Variants in EYS observed in about 807,000 individuals in gnomAD.
EYS encodes EGF-like photoreceptor maintenance factor, also known as protein eyes shut homolog.
In EYS, 250 loss-of-function variants were observed where a neutral mutation model predicts 282.1. The observed-to-expected ratio is 0.89, with a 90% confidence interval of 0.80 to 0.98. EYS has a LOEUF of 0.98. Among genes scored for constraint, EYS ranks in the 50% least tolerant of loss-of-function variants. The pLI is 0.00. For synonymous variants in EYS, 1,355 were observed against 1,282.9 expected, an observed-to-expected ratio of 1.06 and a Z score of -1.20; for missense variants, 4,016 against 3,709.0, an observed-to-expected ratio of 1.08 and a Z score of -2.15.
intron 28 of EYS, among the ~76,000 whole-genome samples, chr6:64,396,156 A>G (rs1318076073): frequency 1.3e-5 from 2 of 152,066 alleles, no homozygotes; most frequent in East Asian, 1.9e-4. Flanking sequence ...ATATTTTTGA[A>G]TTGAATAGTT....
intron 12 of EYS, among the ~76,000 whole-genome samples, chr6:65,187,182 C>T (rs1464355243): frequency 6.6e-6 from 1 of 151,656 alleles, no homozygotes; most frequent in African/African-American, 2.4e-5. Flanking sequence ...ATTCAATATT[C>T]AATTTACAAA....
intron 31 of EYS, among the ~76,000 whole-genome samples, chr6:64,107,259 A>ATATATG (rs1191905073): frequency 0.027 from 3,399 of 124,922 alleles, 142 homozygotes; most frequent in African/African-American, 0.083. Flanking sequence ...ATATATATAT[A>ATATATG]TGTGTGTGTG....
At chr6:63,992,939 T>C (rs1007851089) in intron 34 of EYS, among the ~76,000 whole-genome samples, 3 of 151,856 alleles carry the variant, frequency 2.0e-5, no homozygotes, top group Non-Finnish European at 2.9e-5. Context: ...AGTTTTCCCA[T>C]GCTGTTCTTG....
At position 65,211,560 on chromosome 6, in the gene EYS, A is replaced by G. The variant is rs532295502; in HGVS notation, c.2023+84303T>C. ...TAACTCTGAGGTATAAGATATAGTCATCCAAAGTACTGACTTTCTAACTCT... is the reference window on the plus strand; with the variant it reads ...TAACTCTGAGGTATAAGATATAGTCGTCCAAAGTACTGACTTTCTAACTCT... On this transcript the variant is annotated intron_variant, in intron 12 of 42. Transcript: ENST00000503581. Among the ~76,000 whole-genome samples the G allele has an allele frequency of 6.6e-5, 10 of 152,184 alleles. No individual in the cohort carries two copies. In the East Asian group the frequency reaches 1.9e-3, roughly 29 times the overall value.
chr6:65,500,816 G>A (rs1049196407), intron 2 of EYS, among the ~76,000 whole-genome samples: 1 of 151,902 alleles, frequency 6.6e-6, no homozygotes, highest in African/African-American at 2.4e-5. Flanking sequence ...TGAAGTGATT[G>A]TAGGGAATGT....
chr6:65,022,833 CAT>C lies in EYS; in HGVS notation c.2138-25132_2138-25131del, dbSNP rs145866489. Among the ~76,000 whole-genome samples, 1,077 of 151,858 alleles carry C rather than the reference CAT, an allele frequency of 7.1e-3. 19 individuals are homozygous for C. The highest frequency in any genetic ancestry group is 0.025 in the African/African-American group (1,029 of 41,446). On this transcript the variant is annotated intron_variant, in intron 13 of 42. Coordinates refer to ENST00000503581, the MANE Select transcript of EYS (RefSeq NM_001142800.2). ...ATGCATAAAGACATCATTTGTATGA[CAT>C]AGTACAATGGAGGGAGGGAGAGAAT...
chr6:64,539,978 T>G (rs1368727486), intron 26 of EYS, among the ~76,000 whole-genome samples: 2 of 152,192 alleles, frequency 1.3e-5, no homozygotes, highest in Non-Finnish European at 2.9e-5. Flanking sequence ...TGATATTTGT[T>G]GAAAAGTTTC....
chr6:64,092,469 T>C (rs1193713542), intron 31 of EYS, among the ~76,000 whole-genome samples: 2 of 151,766 alleles, frequency 1.3e-5, no homozygotes, highest in African/African-American at 2.4e-5. Context: ...TGGTATCTCA[T>C]TGTGGTTTTG....
At chr6:64,030,999 T>C (rs1022538711) in intron 33 of EYS, among the ~76,000 whole-genome samples, 6 of 152,172 alleles carry the variant, frequency 3.9e-5, no homozygotes, top group African/African-American at 1.4e-4. Flanking sequence ...GATTGAGAGG[T>C]GACGGCGTGT....
chr6:63,776,760 G>A (rs909582115), intron 40 of EYS, among the ~76,000 whole-genome samples: 15 of 151,956 alleles, frequency 9.9e-5, no homozygotes, highest in Non-Finnish European at 4.4e-5. Flanking sequence ...ATAACGTAGG[G>A]TGGGGATGGA....
chr6:64,820,564 CA>C (rs1287804506), intron 21 of EYS, among the ~76,000 whole-genome samples: 2 of 152,086 alleles, frequency 1.3e-5, no homozygotes, highest in African/African-American at 4.8e-5. Flanking sequence ...AAAATAAACA[CA>C]ATATCAACAG....
chr6:65,020,319 T>C (rs1772210122), intron 13 of EYS, among the ~76,000 whole-genome samples: 3 of 152,166 alleles, frequency 2.0e-5, no homozygotes, highest in African/African-American at 7.2e-5. Context: ...AATGTGAGTA[T>C]AGGCATTGGG....
In EYS at chr6:64,451,586, C is replaced by T. The variant is rs375054935; in HGVS notation, c.5645-12234G>A. Reference sequence around the variant, plus strand: ...GAGAATTTTAGACCAATATCCTTGACGAACATTGATGCAAAAATCCTCAAT... The same window carrying T: ...GAGAATTTTAGACCAATATCCTTGATGAACATTGATGCAAAAATCCTCAAT... On this transcript the variant is annotated intron_variant, in intron 26 of 42. Coordinates refer to ENST00000503581, the MANE Select transcript of EYS (RefSeq NM_001142800.2). 3.7e-4 allele frequency among the ~76,000 whole-genome samples: 56 copies of T among 152,080 alleles called. 1 individual carries two copies. Among genetic ancestry groups the T allele is most frequent in the Admixed American group, 1.3e-3 (20 of 15,262 alleles).
chr6:64,385,946 C>G (rs763336072), intron 29 of EYS, among the ~76,000 whole-genome samples: 1 of 152,130 alleles, frequency 6.6e-6, no homozygotes, highest in African/African-American at 2.4e-5. Flanking sequence ...GCATGTACCT[C>G]TTTCTTAGCC....
chr6:64,311,163 T>G (rs1582577832), intron 29 of EYS, among the ~76,000 whole-genome samples: 1 of 152,144 alleles, frequency 6.6e-6, no homozygotes, highest in Non-Finnish European at 1.5e-5. Context: ...CTAAAGCACA[T>G]GGTTTTTAGA....
chr6:65,328,762 TA>T (rs1278633540), intron 11 of EYS, among the ~76,000 whole-genome samples: 1 of 151,222 alleles, frequency 6.6e-6, no homozygotes, highest in Non-Finnish European at 1.5e-5. Flanking sequence ...TTTTATCATT[TA>T]TGTTTTTAAT....
At position 64,210,316 on chromosome 6, in the gene EYS, A is replaced by G. The variant is rs965703131; in HGVS notation, c.6424+20276T>C. On this transcript the variant is annotated intron_variant, in intron 31 of 42. Transcript: ENST00000503581. ...TTATTTTCTCACAGTTTTGGAGGCT[A>G]GAAGTCCAAGATCAAGGTGTTGGCA... Among the ~76,000 whole-genome samples, 18 of 152,186 alleles carry G rather than the reference A, an allele frequency of 1.2e-4. 1 individual carries two copies. The highest frequency in any genetic ancestry group is 2.2e-4 in the Non-Finnish European group (15 of 68,032).
intron 5 of EYS, among the ~76,000 whole-genome samples, chr6:65,412,532 G>T (rs190114812): frequency 6.6e-6 from 1 of 152,172 alleles, no homozygotes; most frequent in East Asian, 1.9e-4. Context: ...ATTTTAATAG[G>T]TATGTAGCAA....
At chr6:64,629,970 T>C (rs1767727764) in intron 22 of EYS, among the ~76,000 whole-genome samples, 1 of 152,220 alleles carries the variant, frequency 6.6e-6, no homozygotes. Context: ...TGTTTGCCTG[T>C]ATCAAATCTG....
Sources: allele counts gnomAD v4.1 joint callset (sites outside exome capture counted in the v4.1 genomes callset), GRCh38; gene constraint gnomAD v4.1.1; transcripts MANE v1.5; gene names NCBI Gene and HGNC (gene_info 2026-07-23, HGNC 2026-07-21).